The following RBM39 variants were observed in gnomAD, a reference collection of about 807,000 sequenced individuals.
RBM39 encodes RNA binding motif protein 39.
Under a neutral mutation model 79.6 loss-of-function variants are expected in RBM39, and 12 were observed. That is an observed-to-expected ratio of 0.15 (90% confidence interval 0.10 to 0.24). The LOEUF is 0.24. RBM39 is among the 10% of genes least tolerant of loss of function. The pLI is 1.00. For synonymous variants in RBM39, 185 were observed against 208.4 expected (o/e 0.89, Z 0.97); for missense variants, 243 against 653.4 (o/e 0.37, Z 6.85).
At chr20:35,704,880 C>G in intron 15 of RBM39, 134 bp from the exon 16 acceptor site, 1 of 688,872 alleles carries the variant, frequency 1.5e-6, no homozygotes, top group African/African-American at 1.8e-5. Context: ...GTTCCACTGG[C>G]TAATAGGTAT....
Position 35,702,871 on chromosome 20 carries a change from T to G in RBM39, c.*1610A>C, listed in dbSNP as rs1803495678. The stretch of plus-strand genomic sequence containing the variant: ...GGAGATGGAGCTGAGATCACATCAC[T>G]GCACTCCAGCCTGGGCCAAAGAGCA... On this transcript the variant is annotated 3_prime_UTR_variant, in exon 17 of 17. Transcript: ENST00000253363. 1 of 152,194 alleles carries G rather than the reference T, an allele frequency of 6.6e-6. No individual in the cohort carries two copies. The highest frequency in any genetic ancestry group is 2.4e-5 in the African/African-American group (1 of 41,438). 9.4% of individuals were successfully genotyped at this position (152,194 alleles called of 1,614,324 possible). A position where few individuals can be genotyped will look rare whatever the true frequency, so the allele number is the denominator to read the frequency against.
At chr20:35,716,333 C>T (rs1243567600) in intron 10 of RBM39, among the ~76,000 whole-genome samples, 4 of 152,196 alleles carry the variant, frequency 2.6e-5, no homozygotes, top group African/African-American at 9.7e-5. Flanking sequence ...CTCGGCCTCC[C>T]AAAGTGCTGG....
At chr20:35,718,109 T>C (rs1483685110) in intron 9 of RBM39, among the ~76,000 whole-genome samples, 1 of 152,008 alleles carries the variant, frequency 6.6e-6, no homozygotes, top group Non-Finnish European at 1.5e-5. Context: ...TCCACCCGCC[T>C]CGGCCTCCCA....
intron 4 of RBM39, chr20:35,731,652 C>T: frequency 2.6e-6 from 1 of 388,590 alleles, no homozygotes; most frequent in Non-Finnish European, 4.6e-6. Flanking sequence ...TCATCTTTTT[C>T]AAGCACTCTA....
At chr20:35,709,437 C>A (rs1457727830) in intron 12 of RBM39, 163 bp from the exon 13 acceptor site, 3 of 570,090 alleles carry the variant, frequency 5.3e-6, no homozygotes, top group East Asian at 2.9e-5. Context: ...GGCTTTGGGG[C>A]CTTTTTTCCC....
At chr20:35,732,621 C>T (rs546261089) in intron 3 of RBM39, 1 of 156,810 alleles carries the variant, frequency 6.4e-6, no homozygotes, top group East Asian at 1.9e-4. Flanking sequence ...TGAAAATCAG[C>T]AGACAAGACA....
chr20:35,719,613 G>A (rs1600482771), intron 9 of RBM39, among the ~76,000 whole-genome samples: 1 of 151,968 alleles, frequency 6.6e-6, no homozygotes, highest in African/African-American at 2.4e-5. Context: ...GGAGGCGGAG[G>A]TTGCAGTGAG....
At position 35,713,115 on chromosome 20, in the gene RBM39, A is replaced by G. The variant is rs754881238; in HGVS notation, c.1097-19T>C. ...CCTGTACCTGTAAAAGAATAGTCTT[A>G]AAGTTCCTACTATGTTGAGAGCAGA... On this transcript the variant is annotated intron_variant, in intron 11 of 16. Coordinates refer to ENST00000253363, the MANE Select transcript of RBM39 (RefSeq NM_184234.3). The G allele has an allele frequency of 1.2e-6, 2 of 1,607,272 alleles. No individual in the cohort carries two copies. Among genetic ancestry groups the G allele is most frequent in the South Asian group, 1.1e-5 (1 of 90,542 alleles).
intron 11 of RBM39, 178 bp downstream of exon 11, chr20:35,714,007 A>G (rs2036799366): frequency 1.6e-6 from 1 of 627,778 alleles, no homozygotes; most frequent in Non-Finnish European, 2.7e-6. Flanking sequence ...CACATAATAT[A>G]GATTTCCATA....
chr20:35,714,717 GAGGC>G (rs2036886183), intron 10 of RBM39, among the ~76,000 whole-genome samples: 1 of 152,128 alleles, frequency 6.6e-6, no homozygotes. Flanking sequence ...TGGAGAGGCC[GAGGC>G]AGGCAGACCA....
intron 4 of RBM39, chr20:35,731,382 T>C (rs2039349838): frequency 6.6e-6 from 1 of 152,354 alleles, no homozygotes; most frequent in Non-Finnish European, 1.5e-5. Flanking sequence ...ATACCTTTTA[T>C]TATTATTAAC....
chr20:35,740,890 A>G lies in RBM39; in HGVS notation c.-13-3T>C, dbSNP rs1367526353. On this transcript the variant is annotated splice_region_variant and splice_polypyrimidine_tract_variant and intron_variant, in intron 1 of 16. Coordinates refer to ENST00000253363, the MANE Select transcript of RBM39 (RefSeq NM_184234.3). ...CGTCTGCCATTTTCTCTAAACGCCT[A>G]GGAAGAGAACAAGACAATTTCTTGA... The G allele has an allele frequency of 6.2e-7, 1 of 1,603,544 alleles. No homozygotes were observed. Among genetic ancestry groups the G allele is most frequent in the Non-Finnish European group, 8.5e-7 (1 of 1,172,748 alleles).
chr20:35,705,181 G>A (rs945851614), intron 15 of RBM39, 44 bp downstream of exon 15: 1 of 1,161,388 alleles, frequency 8.6e-7, no homozygotes, highest in Non-Finnish European at 1.2e-6. Context: ...GATTAAGGTA[G>A]AGACGAACAA....
chr20:35,704,772 A>G (rs773246163), intron 15 of RBM39, 26 bp from the exon 16 acceptor site: 2 of 1,603,138 alleles, frequency 1.2e-6, no homozygotes, highest in Admixed American at 1.7e-5. Flanking sequence ...AAAAAAAGGT[A>G]AAGATGTTGC....
chr20:35,734,263 A>C (rs1178316256), intron 3 of RBM39: 1 of 1,297,570 alleles, frequency 7.7e-7, no homozygotes, highest in Non-Finnish European at 1.0e-6. Flanking sequence ...TTTGTCTAAA[A>C]TTTCAAGATA....
chr20:35,738,661 G>A lies in RBM39; in HGVS notation c.101+307C>T, dbSNP rs890419481. Among the ~76,000 whole-genome samples, 6 of 152,144 alleles carry A rather than the reference G, an allele frequency of 3.9e-5. 1 individual carries two copies. The East Asian group carries it at 1.2e-3, about 29-fold the overall frequency. Reference sequence around the variant, plus strand: ...GGATATATAACAGTTTTATCAGTAAGATAACCAAATATCAAACCAAAGTTA... The same window carrying A: ...GGATATATAACAGTTTTATCAGTAAAATAACCAAATATCAAACCAAAGTTA... On this transcript the variant is annotated intron_variant, in intron 3 of 16. Coordinates refer to ENST00000253363, the MANE Select transcript of RBM39 (RefSeq NM_184234.3).
chr20:35,735,915 C>G (rs1414173217), intron 3 of RBM39, among the ~76,000 whole-genome samples: 1 of 152,188 alleles, frequency 6.6e-6, no homozygotes. Context: ...ACATGGAGAA[C>G]TTGATGCTCA....
intron 11 of RBM39, chr20:35,713,664 CACA>C (rs2036735862): frequency 2.4e-5 from 1 of 41,292 alleles, no homozygotes; most frequent in African/African-American, 1.0e-4. Flanking sequence ...AACCAACCAA[CACA>C]AAAAAAAAAA....
At chr20:35,738,152 T>G (rs1011650301) in intron 3 of RBM39, among the ~76,000 whole-genome samples, 1 of 141,324 alleles carries the variant, frequency 7.1e-6, no homozygotes, top group South Asian at 2.2e-4. Flanking sequence ...CCAGACTCCA[T>G]GTCAAAGAAA....
Sources: allele counts gnomAD v4.1 joint callset (sites outside exome capture counted in the v4.1 genomes callset), GRCh38; gene constraint gnomAD v4.1.1; transcripts MANE v1.5; gene names NCBI Gene and HGNC (gene_info 2026-07-23, HGNC 2026-07-21).